Variants in RSRC1 observed in about 807,000 individuals in gnomAD.
RSRC1 encodes serine/Arginine-related protein 53.
RSRC1 carries 39 observed loss-of-function variants against 49.1 expected under a neutral mutation model. The observed-to-expected ratio is 0.79, with a 90% CI of 0.61 to 1.04. The LOEUF is 1.04. RSRC1 is among the 50% of genes least tolerant of loss of function. The pLI, the probability that RSRC1 is intolerant of heterozygous loss-of-function variation, is 0.00. For synonymous variants in RSRC1, 143 were observed against 130.8 expected (o/e 1.09, Z -0.63); for missense variants, 388 against 402.4 (o/e 0.96, Z 0.31).
rs940221841 is a variant in RSRC1 at position 158,545,145 on chromosome 3, C to T, written c.*870C>T. On this transcript the variant is annotated 3_prime_UTR_variant, in exon 10 of 10. Transcript: ENST00000611884. Reference sequence around the variant, plus strand: ...GATAGGACTTTTAGGCCTTGCTTTACAAAACTGGTTTTTAACAGCTGACAT... The same window carrying T: ...GATAGGACTTTTAGGCCTTGCTTTATAAAACTGGTTTTTAACAGCTGACAT... 1.4e-5 allele frequency: 2 copies of T among 144,528 alleles called. No individual in the cohort carries two copies. Among genetic ancestry groups the T allele is most frequent in the Non-Finnish European group, 3.0e-5 (2 of 65,938 alleles). 9.0% of individuals were successfully genotyped at this position (144,528 alleles called of 1,614,324 possible). A position where few individuals can be genotyped will look rare whatever the true frequency, so the allele number is the denominator to read the frequency against.
intron 3 of RSRC1, among the ~76,000 whole-genome samples, chr3:158,150,523 T>A (rs925725000): frequency 6.6e-6 from 1 of 152,298 alleles, no homozygotes; most frequent in African/African-American, 2.4e-5. Flanking sequence ...TTTAATAAGC[T>A]GTCTGGTTGT....
chr3:158,477,966 T>G lies in RSRC1; in HGVS notation c.652+16963T>G, dbSNP rs1265350982. On this transcript the variant is annotated intron_variant, in intron 7 of 9. Coordinates refer to ENST00000611884, the MANE Select transcript of RSRC1 (RefSeq NM_001271838.2). ...CTATATTCTTAAAATTCAAATTGTTTGATGTTGTATCTGCTTGATAATTCT... is the reference window on the plus strand; with the variant it reads ...CTATATTCTTAAAATTCAAATTGTTGGATGTTGTATCTGCTTGATAATTCT... Among the ~76,000 whole-genome samples the G allele has an allele frequency of 2.0e-5, 3 of 151,264 alleles. No individual in the cohort carries two copies. The Admixed American group carries it at 2.0e-4, about 10-fold the overall frequency.
In RSRC1 at chr3:158,348,151, C is replaced by A. The variant is rs192630569; in HGVS notation, c.532-6706C>A. Among the ~76,000 whole-genome samples, 6 of 152,230 alleles carry A rather than the reference C, an allele frequency of 3.9e-5. No individual in the cohort carries two copies. The East Asian group carries it at 1.2e-3, about 29-fold the overall frequency. Reference sequence around the variant, plus strand: ...GTCACAGTCTTTTGTTTCAGACTTTCTACTTTTCTCTCTTTAACAACCTCA... The same window carrying A: ...GTCACAGTCTTTTGTTTCAGACTTTATACTTTTCTCTCTTTAACAACCTCA... On this transcript the variant is annotated intron_variant, in intron 5 of 9. Transcript: ENST00000611884.
intron 7 of RSRC1, among the ~76,000 whole-genome samples, chr3:158,505,791 G>C (rs1487114616): frequency 1.3e-5 from 2 of 151,886 alleles, no homozygotes; most frequent in Non-Finnish European, 1.5e-5. Flanking sequence ...GAAAGGATAG[G>C]AATGTTCCAA....
intron 6 of RSRC1, among the ~76,000 whole-genome samples, chr3:158,359,329 T>C (rs1032085529): frequency 3.3e-5 from 5 of 152,190 alleles, no homozygotes; most frequent in African/African-American, 4.8e-5. Context: ...GTTGGACTGT[T>C]ATGAAAATAA....
chr3:158,410,056 T>A (rs1392449579), intron 6 of RSRC1, among the ~76,000 whole-genome samples: 2 of 152,140 alleles, frequency 1.3e-5, no homozygotes, highest in Admixed American at 6.6e-5. Context: ...TCTCATACAT[T>A]CAAACAAAAT....
chr3:158,131,802 G>C (rs902891758), intron 3 of RSRC1, among the ~76,000 whole-genome samples: 3 of 152,052 alleles, frequency 2.0e-5, no homozygotes, highest in African/African-American at 4.8e-5. Flanking sequence ...TTGTATATTA[G>C]AGAAAATTAG....
At chr3:158,303,497 C>T (rs907170159) in intron 5 of RSRC1, 1 of 152,138 alleles carries the variant, frequency 6.6e-6, no homozygotes, top group Non-Finnish European at 1.5e-5. Context: ...ACCTGGGATT[C>T]TTGCTTAAAG....
chr3:158,321,560 GTTT>G (rs142748510), intron 5 of RSRC1, among the ~76,000 whole-genome samples: 37 of 141,738 alleles, frequency 2.6e-4, no homozygotes, highest in South Asian at 6.7e-4. Flanking sequence ...ATATTTTTGT[GTTT>G]TTTTTTTTTT....
chr3:158,263,196 G>T lies in RSRC1; in HGVS notation c.495-34843G>T, dbSNP rs555949356. On this transcript the variant is annotated intron_variant, in intron 4 of 9. Coordinates refer to ENST00000611884, the MANE Select transcript of RSRC1 (RefSeq NM_001271838.2). The stretch of plus-strand genomic sequence containing the variant: ...ATTCCTTTTGACAGGTTGGGGAAGT[G>T]CCCTTTTAGTCCTAGTGTGCTGAGA... Among the ~76,000 whole-genome samples, 20 of 152,156 alleles carry T rather than the reference G, an allele frequency of 1.3e-4. No individual in the cohort carries two copies. In the East Asian group the frequency reaches 3.9e-3, roughly 29 times the overall value.
intron 4 of RSRC1, among the ~76,000 whole-genome samples, chr3:158,248,261 A>G (rs966858710): frequency 2.6e-5 from 4 of 152,214 alleles, no homozygotes; most frequent in Non-Finnish European, 4.4e-5. Flanking sequence ...ACCACTGTAC[A>G]TAGACAGGAG....
At chr3:158,287,845 A>G (rs1469870338) in intron 4 of RSRC1, among the ~76,000 whole-genome samples, 1 of 152,140 alleles carries the variant, frequency 6.6e-6, no homozygotes, top group Non-Finnish European at 1.5e-5. Flanking sequence ...TTTTTTCTTC[A>G]TTAGAACCAG....
At chr3:158,532,568 A>G (rs781650213) in intron 7 of RSRC1, among the ~76,000 whole-genome samples, 5 of 151,844 alleles carry the variant, frequency 3.3e-5, no homozygotes, top group Non-Finnish European at 7.4e-5. Flanking sequence ...AACAGTAACT[A>G]ATACAATTTT....
intron 7 of RSRC1, among the ~76,000 whole-genome samples, chr3:158,507,548 G>A (rs1196979126): frequency 6.6e-6 from 1 of 152,052 alleles, no homozygotes; most frequent in African/African-American, 2.4e-5. Context: ...AGGGCTCACA[G>A]GGCAGGTTTT....
At chr3:158,329,116 G>A (rs962586032) in intron 5 of RSRC1, among the ~76,000 whole-genome samples, 1 of 152,100 alleles carries the variant, frequency 6.6e-6, no homozygotes, top group Non-Finnish European at 1.5e-5. Context: ...CTCTACTCTG[G>A]TTATTCTGGT....
intron 4 of RSRC1, among the ~76,000 whole-genome samples, chr3:158,256,045 C>A (rs1426692764): frequency 6.6e-6 from 1 of 152,036 alleles, no homozygotes; most frequent in African/African-American, 2.4e-5. Flanking sequence ...TATTTGAATA[C>A]CCTTTATTTC....
At chr3:158,420,099 G>A (rs994050916) in intron 6 of RSRC1, among the ~76,000 whole-genome samples, 3 of 151,856 alleles carry the variant, frequency 2.0e-5, no homozygotes, top group African/African-American at 4.8e-5. Flanking sequence ...GACTACCTGC[G>A]TTGCTTCACC....
intron 7 of RSRC1, among the ~76,000 whole-genome samples, chr3:158,489,149 C>T (rs1738956365): frequency 1.3e-5 from 2 of 152,190 alleles, no homozygotes; most frequent in Admixed American, 1.3e-4. Flanking sequence ...GTTTTGTTAT[C>T]TCGTCACTAA....
intron 5 of RSRC1, among the ~76,000 whole-genome samples, chr3:158,320,393 A>G (rs1728694261): frequency 6.6e-6 from 1 of 152,190 alleles, no homozygotes; most frequent in African/African-American, 2.4e-5. Flanking sequence ...TATATGTAAT[A>G]TGTGTTTGTT....
Sources: allele counts gnomAD v4.1 joint callset (sites outside exome capture counted in the v4.1 genomes callset), GRCh38; gene constraint gnomAD v4.1.1; transcripts MANE v1.5; gene names NCBI Gene and HGNC (gene_info 2026-07-23, HGNC 2026-07-21).